SEMA3A: variants seen among roughly 807,000 people sequenced by gnomAD.
The protein encoded by SEMA3A is semaphorin 3A, also known as semaphorin-3A.
Under a neutral mutation model 97.9 loss-of-function variants are expected in SEMA3A, and 29 were observed. The ratio of observed to expected loss-of-function variants is 0.30; its 90% CI spans 0.22 to 0.40. SEMA3A has a LOEUF of 0.40. SEMA3A is among the 10% of genes least tolerant of loss of function. The probability of loss-of-function intolerance (pLI) is 1.00; values close to 1 mark genes in which losing one functional copy is unlikely to be tolerated. For synonymous variants in SEMA3A, 321 were observed against 323.7 expected (o/e 0.99, Z 0.09); for missense variants, 763 against 951.3 (o/e 0.80, Z 2.60).
chr7:84,344,383 T>G (rs1802244153), intron 2 of SEMA3A, among the ~76,000 whole-genome samples: 4 of 152,104 alleles, frequency 2.6e-5, no homozygotes, highest in African/African-American at 9.7e-5. Context: ...GAAGAGCAAT[T>G]AATAAGGTGA....
chr7:83,981,560 T>C, intron 13 of SEMA3A, 82 bp from the exon 14 acceptor site: 1 of 1,167,910 alleles, frequency 8.6e-7, no homozygotes, highest in Non-Finnish European at 1.2e-6. Context: ...TTTATTTATA[T>C]ATAACTTCTC....
chr7:84,424,020 G>A (rs1804674328), intron 1 of SEMA3A, among the ~76,000 whole-genome samples: 1 of 151,698 alleles, frequency 6.6e-6, no homozygotes, highest in East Asian at 1.9e-4. Context: ...GTGGTGAAAG[G>A]GAAAGCTTAT....
intron 1 of SEMA3A, among the ~76,000 whole-genome samples, chr7:84,457,564 AAAATGGAACT>A (rs1286408087): frequency 6.6e-6 from 1 of 151,988 alleles, no homozygotes; most frequent in Non-Finnish European, 1.5e-5. Context: ...GAATCCTTTG[AAAATGGAACT>A]AGAAAATATT....
intron 3 of SEMA3A, among the ~76,000 whole-genome samples, chr7:84,111,203 T>G (rs1276710654): frequency 6.6e-6 from 1 of 152,182 alleles, no homozygotes; most frequent in Non-Finnish European, 1.5e-5. Flanking sequence ...ACATTTGGAA[T>G]TAAGAACCAA....
chr7:83,969,119 C>T (rs1012875106), intron 15 of SEMA3A, among the ~76,000 whole-genome samples: 1 of 151,968 alleles, frequency 6.6e-6, no homozygotes, highest in Non-Finnish European at 1.5e-5. Context: ...CTTTTATAAC[C>T]CTTTCTATTG....
At chr7:84,398,392 T>C (rs747279612) in intron 1 of SEMA3A, among the ~76,000 whole-genome samples, 6 of 152,198 alleles carry the variant, frequency 3.9e-5, no homozygotes, top group African/African-American at 7.2e-5. Flanking sequence ...TGACAATTTG[T>C]GTCTTAGAAT....
At chr7:84,385,544 A>G (rs1562928319) in intron 1 of SEMA3A, among the ~76,000 whole-genome samples, 2 of 152,184 alleles carry the variant, frequency 1.3e-5, no homozygotes, top group Admixed American at 6.5e-5. Context: ...TTCATTATGA[A>G]CCTGGAACAT....
chr7:84,355,362 C>T (rs763182673), intron 2 of SEMA3A, among the ~76,000 whole-genome samples: 9 of 151,808 alleles, frequency 5.9e-5, no homozygotes, highest in Admixed American at 1.3e-4. Flanking sequence ...GTATTACTTA[C>T]AATAATACAT....
At chr7:84,473,392 ATAT>A (rs1185160670) in intron 1 of SEMA3A, among the ~76,000 whole-genome samples, 2 of 147,346 alleles carry the variant, frequency 1.4e-5, no homozygotes, top group Non-Finnish European at 1.5e-5. Context: ...TATTATTATA[ATAT>A]TATTATTATT....
intron 1 of SEMA3A, among the ~76,000 whole-genome samples, chr7:84,393,396 G>T (rs776677121): frequency 3.9e-5 from 6 of 151,970 alleles, no homozygotes; most frequent in Non-Finnish European, 5.9e-5. Context: ...AAGCAATCAT[G>T]AGCAAAAAGA....
chr7:84,157,987 A>G (rs1237205010), intron 1 of SEMA3A, among the ~76,000 whole-genome samples: 1 of 152,104 alleles, frequency 6.6e-6, no homozygotes, highest in Non-Finnish European at 1.5e-5. Flanking sequence ...TAGAGCCAGT[A>G]TCTAATTAAT....
At chr7:84,480,828 G>T (rs1337144820) in intron 1 of SEMA3A, among the ~76,000 whole-genome samples, 1 of 152,152 alleles carries the variant, frequency 6.6e-6, no homozygotes, top group Non-Finnish European at 1.5e-5. Flanking sequence ...ATGTAGCAGT[G>T]AGTATTAAAT....
intron 4 of SEMA3A, among the ~76,000 whole-genome samples, chr7:84,080,497 AT>A (rs920574907): frequency 6.6e-6 from 1 of 151,382 alleles, no homozygotes; most frequent in African/African-American, 2.4e-5. Context: ...ATTATAAATT[AT>A]TTTGAGTAGT....
At chr7:84,273,655 T>G (rs931865989) in intron 3 of SEMA3A, among the ~76,000 whole-genome samples, 1 of 152,132 alleles carries the variant, frequency 6.6e-6, no homozygotes, top group African/African-American at 2.4e-5. Context: ...TAGGCAGCAT[T>G]GAGGGTGCTG....
At chr7:84,266,353 T>C (rs935537019) in intron 3 of SEMA3A, among the ~76,000 whole-genome samples, 16 of 149,850 alleles carry the variant, frequency 1.1e-4, no homozygotes, top group African/African-American at 3.9e-4. Context: ...ATGTTTCTAA[T>C]TGTATCACAG....
At chr7:84,393,137 T>C (rs140383151) in intron 1 of SEMA3A, among the ~76,000 whole-genome samples, 216 of 152,216 alleles carry the variant, frequency 1.4e-3, no homozygotes, top group Non-Finnish European at 2.4e-3. Context: ...TATTGTATAG[T>C]TTTTGCCCCT....
At chr7:84,037,779 TAAC>T (rs1420897320) in intron 6 of SEMA3A, among the ~76,000 whole-genome samples, 1 of 151,978 alleles carries the variant, frequency 6.6e-6, no homozygotes, top group Non-Finnish European at 1.5e-5. Context: ...GTAATAATAA[TAAC>T]AAATATATAA....
intron 3 of SEMA3A, among the ~76,000 whole-genome samples, chr7:84,123,839 G>C (rs1399407713): frequency 6.6e-6 from 1 of 151,092 alleles, no homozygotes; most frequent in Non-Finnish European, 1.5e-5. Flanking sequence ...GAGAGAGAGA[G>C]AGCAAGAGAG....
intron 3 of SEMA3A, among the ~76,000 whole-genome samples, chr7:84,293,476 CCTA>C (rs1800799182): frequency 6.6e-6 from 1 of 151,926 alleles, no homozygotes; most frequent in Admixed American, 6.6e-5. Flanking sequence ...CTCCAACCTA[CCTA>C]CTAATAGACA....
Sources: gnomAD v4.1 joint callset for allele counts (sites outside exome capture counted in the v4.1 genomes callset) on GRCh38, gnomAD v4.1.1 for gene constraint, MANE v1.5 for transcripts, NCBI Gene and HGNC (gene_info 2026-07-23, HGNC 2026-07-21) for gene names.